The following CSMD1 variants were observed in gnomAD, a reference collection of about 807,000 sequenced individuals.
CSMD1 encodes CUB and Sushi multiple domains 1.
CSMD1 carries 213 observed loss-of-function variants against 417.5 expected under a neutral mutation model. The ratio of observed to expected loss-of-function variants is 0.51; its 90% CI spans 0.46 to 0.57. The LOEUF is 0.57. Among genes scored for constraint, CSMD1 ranks in the 20% least tolerant of loss-of-function variants. The pLI is 0.00. For missense variants in CSMD1, 6,923 were observed against 4,529.7 expected (o/e 1.53, Z -15.17); for synonymous variants, 2,862 against 1,736.8 (o/e 1.65, Z -16.11).
In CSMD1 at chr8:4,787,914, G is replaced by C. The variant is rs1244166894; in HGVS notation, c.86-150356C>G. 10 of 1,590,644 alleles carry C rather than the reference G, an allele frequency of 6.3e-6. No homozygotes were observed. The Admixed American group carries it at 1.7e-4, about 28-fold the overall frequency. ...AATTTGGTGTTGATGTAACCACAAAGAAATTGTTCTTGCTGATGTAATTGA... is the reference window on the plus strand; with the variant it reads ...AATTTGGTGTTGATGTAACCACAAACAAATTGTTCTTGCTGATGTAATTGA... On this transcript the variant is annotated intron_variant, in intron 1 of 69. Transcript: ENST00000635120.
intron 4 of CSMD1, among the ~76,000 whole-genome samples, chr8:4,029,595 G>A (rs1349709464): frequency 6.6e-6 from 1 of 152,030 alleles, no homozygotes; most frequent in Non-Finnish European, 1.5e-5. Flanking sequence ...AGAATTGTGG[G>A]AGCTGCAATT....
chr8:3,159,320 G>C (rs1301568951), intron 38 of CSMD1, among the ~76,000 whole-genome samples: 1 of 152,056 alleles, frequency 6.6e-6, no homozygotes, highest in Non-Finnish European at 1.5e-5. Flanking sequence ...AACAAGATAG[G>C]ACCCTGTGCA....
chr8:4,699,101 C>T (rs967231258), intron 1 of CSMD1, among the ~76,000 whole-genome samples: 11 of 152,148 alleles, frequency 7.2e-5, no homozygotes, highest in East Asian at 5.8e-4. Context: ...TTGAGGTCTT[C>T]GCTTTCTCAT....
Position 3,110,209 on chromosome 8 carries a change from A to G in CSMD1, c.6557T>C (p.Ile2186Thr), listed in dbSNP as rs1816415294. The G allele has an allele frequency of 6.2e-7, 1 of 1,613,072 alleles. No homozygotes were observed. The highest frequency in any genetic ancestry group is 8.5e-7 in the Non-Finnish European group (1 of 1,179,582). Residue 2186 changes from isoleucine to threonine, a missense_variant, in exon 43 of 70, where the codon ATC becomes ACC. Coordinates refer to ENST00000635120, the MANE Select transcript of CSMD1 (RefSeq NM_033225.6). ...TTCCGTCTGTAACAGGGTGAAGTTG[A>G]TGTAAACTCCGTGCCCTGGAGGCAC... ...ITVPPGHGVY[I>T]NFTLLQTEAV...
intron 15 of CSMD1, among the ~76,000 whole-genome samples, chr8:3,401,960 T>C (rs890728981): frequency 6.6e-6 from 1 of 151,790 alleles, no homozygotes; most frequent in Non-Finnish European, 1.5e-5. Flanking sequence ...TTCTTTGCTT[T>C]TTTTTTTTGA....
chr8:3,334,047 T>A (rs1324419406), intron 23 of CSMD1, among the ~76,000 whole-genome samples: 1 of 152,196 alleles, frequency 6.6e-6, no homozygotes, highest in Non-Finnish European at 1.5e-5. Context: ...TTTTATATCT[T>A]ACTCATAGCC....
intron 8 of CSMD1, among the ~76,000 whole-genome samples, chr8:3,610,973 G>A (rs956600185): frequency 2.0e-5 from 3 of 151,034 alleles, no homozygotes; most frequent in African/African-American, 7.3e-5. Context: ...GAGAGAAAAG[G>A]TGCAGTGTCA....
At chr8:3,928,106 T>C (rs775822800) in intron 5 of CSMD1, among the ~76,000 whole-genome samples, 1 of 152,164 alleles carries the variant, frequency 6.6e-6, no homozygotes, top group African/African-American at 2.4e-5. Context: ...ATAAAGGACA[T>C]ACAAAGGTAA....
At chr8:4,417,485 G>C (rs545762589) in intron 3 of CSMD1, among the ~76,000 whole-genome samples, 1 of 151,996 alleles carries the variant, frequency 6.6e-6, no homozygotes, top group Non-Finnish European at 1.5e-5. Flanking sequence ...GCAGCAGTCT[G>C]TTAATACTAC....
intron 49 of CSMD1, among the ~76,000 whole-genome samples, chr8:3,053,277 G>C (rs980376650): frequency 2.6e-5 from 4 of 152,120 alleles, no homozygotes; most frequent in Non-Finnish European, 4.4e-5. Flanking sequence ...GTGGCCACGG[G>C]AGCACAATGT....
chr8:3,284,137 C>CA lies in CSMD1; in HGVS notation c.4153+6dup. ...AAGGTAAAGAAGAAGCACGCTGTGC[C>CA]ACCTACTGGAGAACTGGATGGAGAA... On this transcript the variant is annotated splice_region_variant and intron_variant, in intron 26 of 69. Transcript: ENST00000635120. 1 of 1,555,136 alleles carries CA rather than the reference C, an allele frequency of 6.4e-7. No individual in the cohort carries two copies. The highest frequency in any genetic ancestry group is 8.7e-7 in the Non-Finnish European group (1 of 1,148,622).
chr8:4,866,845 T>C (rs1448065380), intron 1 of CSMD1, among the ~76,000 whole-genome samples: 4 of 152,050 alleles, frequency 2.6e-5, no homozygotes, highest in Non-Finnish European at 5.9e-5. Flanking sequence ...TTAAAAATTA[T>C]AACTTTACCA....
chr8:3,636,232 G>A lies in CSMD1; in HGVS notation c.1010-19435C>T, dbSNP rs900532594. 1.1e-4 allele frequency among the ~76,000 whole-genome samples: 16 copies of A among 152,288 alleles called. No homozygotes were observed. The East Asian group carries it at 2.3e-3, about 22-fold the overall frequency. ...GTCTTCAGGAGCAGTAACAGGCGTG[G>A]AACTGTCATTTTCTAGGACAACGAT... On this transcript the variant is annotated intron_variant, in intron 7 of 69. Coordinates refer to ENST00000635120, the MANE Select transcript of CSMD1 (RefSeq NM_033225.6).
rs117374446 is a variant in CSMD1 at position 4,298,696 on chromosome 8, A to G, written c.415+121257T>C. ...TCATTTTCATTTACATCTTCAGGCT[A>G]CTCTGATACTAAATCAAGTATTTTC... is the stretch of plus-strand genomic sequence containing the variant. On this transcript the variant is annotated intron_variant, in intron 3 of 69. Coordinates refer to ENST00000635120, the MANE Select transcript of CSMD1 (RefSeq NM_033225.6). 2.9e-3 allele frequency among the ~76,000 whole-genome samples: 449 copies of G among 152,234 alleles called. 3 individuals carry two copies. The highest frequency in any genetic ancestry group is 4.5e-3 in the Non-Finnish European group (304 of 67,968).
rs574511489 is a variant in CSMD1 at position 3,984,873 on chromosome 8, T to A, written c.818+13030A>T. Among the ~76,000 whole-genome samples the A allele has an allele frequency of 6.9e-3, 1,044 of 151,436 alleles. 16 individuals carry two copies. The highest frequency in any genetic ancestry group is 0.025 in the African/African-American group (1,016 of 41,302). ...AGAAAGCCAGAAATGAAGAGAAAGTTTGAATCTATGTCCATAAAACGAATA... is the reference window on the plus strand; with the variant it reads ...AGAAAGCCAGAAATGAAGAGAAAGTATGAATCTATGTCCATAAAACGAATA... On this transcript the variant is annotated intron_variant, in intron 5 of 69. Coordinates refer to ENST00000635120, the MANE Select transcript of CSMD1 (RefSeq NM_033225.6).
intron 3 of CSMD1, among the ~76,000 whole-genome samples, chr8:4,109,051 T>C (rs1259536059): frequency 6.6e-6 from 1 of 152,214 alleles, no homozygotes; most frequent in East Asian, 1.9e-4. Context: ...AAGTCCGTCA[T>C]ATAAAATGGC....
chr8:3,803,603 G>A (rs1229625956), intron 5 of CSMD1, among the ~76,000 whole-genome samples: 1 of 152,186 alleles, frequency 6.6e-6, no homozygotes, highest in Non-Finnish European at 1.5e-5. Context: ...AAAGACCAGT[G>A]TGTCTGCAGT....
At chr8:3,628,949 A>C (rs1329841128) in intron 7 of CSMD1, among the ~76,000 whole-genome samples, 3 of 152,176 alleles carry the variant, frequency 2.0e-5, no homozygotes, top group Non-Finnish European at 2.9e-5. Context: ...ATGAGAAACA[A>C]AAGAAGAATA....
chr8:4,172,277 T>C (rs777119654), intron 3 of CSMD1, among the ~76,000 whole-genome samples: 4 of 152,166 alleles, frequency 2.6e-5, no homozygotes, highest in Non-Finnish European at 5.9e-5. Flanking sequence ...CCTCTTTGTT[T>C]CCTCTTGCAA....
Sources: allele counts gnomAD v4.1 joint callset (sites outside exome capture counted in the v4.1 genomes callset), GRCh38; gene constraint gnomAD v4.1.1; transcripts MANE v1.5; gene names NCBI Gene and HGNC (gene_info 2026-07-23, HGNC 2026-07-21).